The following AMBRA1 variants were observed in gnomAD, a reference collection of about 807,000 sequenced individuals.
AMBRA1 encodes activating molecule in BECN1-regulated autophagy protein 1.
Under a neutral mutation model 125.4 loss-of-function variants are expected in AMBRA1, and 47 were observed. The ratio of observed to expected loss-of-function variants is 0.37; its 90% confidence interval spans 0.30 to 0.48. The LOEUF is 0.48. Among genes scored for constraint, AMBRA1 ranks in the 20% least tolerant of loss-of-function variants. AMBRA1 has a pLI of 0.99. For missense variants in AMBRA1, 1,331 were observed against 1,693.4 expected, an observed-to-expected ratio of 0.79 and a Z score of 3.76; for synonymous variants, 626 against 655.5, an observed-to-expected ratio of 0.95 and a Z score of 0.69.
intron 14 of AMBRA1, among the ~76,000 whole-genome samples, chr11:46,423,110 C>T (rs1946928937): frequency 6.6e-6 from 1 of 152,314 alleles, no homozygotes; most frequent in East Asian, 1.9e-4. Context: ...TGCTAAGAGA[C>T]AGCTGACCTT....
rs754496852 is a variant in AMBRA1 at position 46,542,605 on chromosome 11, C to A, written c.1412G>T (p.Gly471Val). ...AGTTGCCAACCCTGATGCCGGAAAA[C>A]CCCTCCCTTCTGTGGCTGAAGTGTA... is the stretch of plus-strand genomic sequence containing the variant. ...SVYTSATEGR[G>V]FPASGLATES... The change falls in exon 7 of 18, where the codon GGT becomes GTT. Residue 471 changes from glycine (G) to valine (V), a missense_variant. By Grantham distance (109) the Gly-to-Val change is moderately radical. Around this residue, in one of 4 missense-constraint regions of AMBRA1, gnomAD observed 689 missense variants for 776.5 expected, o/e 0.89. Coordinates refer to ENST00000683756, the MANE Select transcript of AMBRA1 (RefSeq NM_001387011.1). This position sits in a 1 kb window ranked among gnomAD's most constrained non-coding sequence, Gnocchi z 5.9. 4.0e-5 allele frequency: 64 copies of A among 1,614,022 alleles called. No individual in the cohort carries two copies. In the Middle Eastern group the frequency reaches 9.9e-4, roughly 25 times the overall value.
At chr11:46,560,944 A>T (rs914725120) in intron 1 of AMBRA1, among the ~76,000 whole-genome samples, 1 of 152,198 alleles carries the variant, frequency 6.6e-6, no homozygotes, top group African/African-American at 2.4e-5. Flanking sequence ...CAACAATATC[A>T]GGAGGCTGGA....
Position 46,417,901 on chromosome 11 carries a change from T to A in AMBRA1, c.3116+12A>T. 1 of 1,599,944 alleles carries A rather than the reference T, an allele frequency of 6.3e-7. No homozygotes were observed. The highest frequency in any genetic ancestry group is 8.5e-7 in the Non-Finnish European group (1 of 1,170,036). Reference sequence around the variant, plus strand: ...CAGTGATCCCTCAACCCCCACACTTTAAGCCACTTACTCTGGTCGGCAGAT... The same window carrying A: ...CAGTGATCCCTCAACCCCCACACTTAAAGCCACTTACTCTGGTCGGCAGAT... On this transcript the variant is annotated intron_variant, in intron 15 of 17. Transcript: ENST00000683756.
intron 11 of AMBRA1, among the ~76,000 whole-genome samples, chr11:46,453,807 A>T (rs1948729801): frequency 6.6e-6 from 1 of 152,232 alleles, no homozygotes; most frequent in Admixed American, 6.5e-5. Flanking sequence ...TATCATGTTT[A>T]GGCAGTTTAA....
chr11:46,552,666 G>A (rs1305089492), intron 1 of AMBRA1, among the ~76,000 whole-genome samples: 3 of 144,530 alleles, frequency 2.1e-5, no homozygotes, highest in Admixed American at 7.0e-5. Flanking sequence ...GCAACAGAGC[G>A]AGATTCTGTC....
At chr11:46,440,035 A>G (rs1947925871) in intron 12 of AMBRA1, among the ~76,000 whole-genome samples, 1 of 152,128 alleles carries the variant, frequency 6.6e-6, no homozygotes, top group Non-Finnish European at 1.5e-5. Context: ...ATTTGGCACG[A>G]GCTGTATAGA....
chr11:46,551,284 A>C (rs1307066649), intron 1 of AMBRA1, among the ~76,000 whole-genome samples: 1 of 151,456 alleles, frequency 6.6e-6, no homozygotes, highest in African/African-American at 2.4e-5. Flanking sequence ...GTGTTTTTGA[A>C]ATGGAATTTT....
intron 9 of AMBRA1, among the ~76,000 whole-genome samples, chr11:46,507,491 A>AT (rs1297929440): frequency 1.3e-5 from 2 of 151,880 alleles, no homozygotes; most frequent in Non-Finnish European, 2.9e-5. Context: ...AAAAAAAAAA[A>AT]AAAAAGATTG....
intron 11 of AMBRA1, among the ~76,000 whole-genome samples, chr11:46,474,345 G>A (rs1949725818): frequency 1.3e-5 from 2 of 152,112 alleles, no homozygotes; most frequent in Non-Finnish European, 2.9e-5. Flanking sequence ...AATACGAACA[G>A]GTCTATTCAT....
At chr11:46,477,498 G>C (rs79751353) in intron 11 of AMBRA1, among the ~76,000 whole-genome samples, 1 of 141,114 alleles carries the variant, frequency 7.1e-6, no homozygotes, top group African/African-American at 2.6e-5. Context: ...GCTAATTTCT[G>C]GAAAAAAAAA....
chr11:46,505,556 A>T (rs1363295866), intron 9 of AMBRA1, among the ~76,000 whole-genome samples: 1 of 152,172 alleles, frequency 6.6e-6, no homozygotes, highest in South Asian at 2.1e-4. Flanking sequence ...GTATGAGAGA[A>T]ATCAGTCCAT....
In AMBRA1 at chr11:46,418,574, C is replaced by T. The variant is rs544842366; in HGVS notation, c.2977-522G>A. 1.3e-4 allele frequency among the ~76,000 whole-genome samples: 20 copies of T among 151,758 alleles called. No homozygotes were observed. In the South Asian group the frequency reaches 2.1e-3, roughly 16 times the overall value. ...ACTCCCCCTACCCCACAACAGGCCCCGGTGTGTGATGTTCTCCTTCCTGTG... is the reference window on the plus strand; with the variant it reads ...ACTCCCCCTACCCCACAACAGGCCCTGGTGTGTGATGTTCTCCTTCCTGTG... On this transcript the variant is annotated intron_variant, in intron 14 of 17. Transcript: ENST00000683756.
At chr11:46,457,215 A>G (rs1464706622) in intron 11 of AMBRA1, among the ~76,000 whole-genome samples, 1 of 152,232 alleles carries the variant, frequency 6.6e-6, no homozygotes, top group Non-Finnish European at 1.5e-5. Context: ...CCTCTAATTC[A>G]AAGCCTGCTT....
intron 9 of AMBRA1, among the ~76,000 whole-genome samples, chr11:46,496,189 C>T (rs1460436931): frequency 2.6e-5 from 4 of 151,654 alleles, no homozygotes; most frequent in East Asian, 1.9e-4. Flanking sequence ...GCCTGGCCAA[C>T]GTGGTGAAAC....
intron 11 of AMBRA1, among the ~76,000 whole-genome samples, chr11:46,485,438 C>A (rs1950231904): frequency 6.6e-6 from 1 of 152,228 alleles, no homozygotes; most frequent in African/African-American, 2.4e-5. Flanking sequence ...CAAGCCCAGG[C>A]TTACACCCCA....
intron 7 of AMBRA1, among the ~76,000 whole-genome samples, chr11:46,520,473 T>C (rs1951706848): frequency 6.6e-6 from 1 of 152,146 alleles, no homozygotes; most frequent in South Asian, 2.1e-4. Flanking sequence ...CAATTTCTTC[T>C]TTCTGGAAAG....
At chr11:46,534,446 G>A (rs769065392) in intron 7 of AMBRA1, among the ~76,000 whole-genome samples, 3 of 152,100 alleles carry the variant, frequency 2.0e-5, no homozygotes, top group Non-Finnish European at 4.4e-5. Context: ...AGTGAGCCCA[G>A]ATCGCACCAT....
chr11:46,586,362 T>C (rs892969435), intron 1 of AMBRA1, among the ~76,000 whole-genome samples: 26 of 152,276 alleles, frequency 1.7e-4, no homozygotes, highest in Non-Finnish European at 3.2e-4. Context: ...TGAGCCAAGA[T>C]TGTGCCACCG....
chr11:46,473,871 C>T (rs1214264100), intron 11 of AMBRA1, among the ~76,000 whole-genome samples: 1 of 152,186 alleles, frequency 6.6e-6, no homozygotes, highest in African/African-American at 2.4e-5. Context: ...ACGATGGTCT[C>T]GATCTCCTGA....
Sources: allele counts gnomAD v4.1 joint callset (sites outside exome capture counted in the v4.1 genomes callset), GRCh38; gene constraint gnomAD v4.1.1; regional missense constraint gnomAD v4.1.1; non-coding constraint Gnocchi (gnomAD v3.1); transcripts MANE v1.5; gene names NCBI Gene and HGNC (gene_info 2026-07-23, HGNC 2026-07-21).